MAOB: variants seen among roughly 807,000 people sequenced by gnomAD.
MAOB encodes amine oxidase [flavin-containing] B.
Under a neutral mutation model 41.9 loss-of-function variants are expected in MAOB, and 15 were observed. The ratio of observed to expected loss-of-function variants is 0.36; its 90% CI spans 0.24 to 0.55. The LOEUF (loss-of-function observed/expected upper bound fraction) is 0.55. MAOB is among the 20% of genes least tolerant of loss of function. The pLI, the probability that MAOB is intolerant of heterozygous loss-of-function variation, is 0.86. For synonymous variants in MAOB, 167 were observed against 144.2 expected (o/e 1.16, Z -1.13); for missense variants, 345 against 398.7 (o/e 0.87, Z 1.15).
chrX:43,857,110 TATATATAGAGAGAGAGAGAGAG>T (rs1417234414), intron 1 of MAOB, among the ~76,000 whole-genome samples: 481 of 19,710 alleles, frequency 0.024, 3 homozygotes, highest in Non-Finnish European at 0.035. Context: ...TATATATATA[TATATATAGAGAGAGAGAGAGAG>T]AGAGAGAGAG....
At chrX:43,797,436 T>G (rs186837996) in intron 5 of MAOB, among the ~76,000 whole-genome samples, 170 bp from the exon 6 acceptor site, 10 of 112,545 alleles carry the variant, frequency 8.9e-5, no homozygotes, top group African/African-American at 3.2e-4. Flanking sequence ...CGGAGGTTTT[T>G]GAAATATCAG....
intron 7 of MAOB, among the ~76,000 whole-genome samples, chrX:43,794,342 A>T (rs1418976112): frequency 2.7e-5 from 3 of 110,702 alleles, no homozygotes; most frequent in Non-Finnish European, 5.7e-5. Context: ...GCCTTCCCTG[A>T]TCACCTTATT....
intron 1 of MAOB, among the ~76,000 whole-genome samples, chrX:43,873,986 T>C (rs779247414): frequency 8.9e-6 from 1 of 112,186 alleles, no homozygotes; most frequent in African/African-American, 3.2e-5. Context: ...ACAGTTTTTA[T>C]ATAACAAATA....
rs758051117 is a variant in MAOB at position 43,768,541 on chromosome X, A to C, written c.1410+113T>G. On this transcript the variant is annotated intron_variant, in intron 14 of 14. Transcript: ENST00000378069. Reference sequence around the variant, plus strand: ...TTATTTAAACATTCATGTTTAAATCACTTAGTTGAATCACTTAGGAAAAGG... The same window carrying C: ...TTATTTAAACATTCATGTTTAAATCCCTTAGTTGAATCACTTAGGAAAAGG... 694 of 571,748 alleles carry C rather than the reference A, an allele frequency of 1.2e-3. 1 individual carries two copies. The highest frequency in any genetic ancestry group is 1.9e-3 in the Non-Finnish European group (637 of 344,139). The allele number at this position is 571,748 out of a possible 1,213,427, so 47.1% of individuals were successfully genotyped here.
chrX:43,821,999 G>T (rs755451887), intron 3 of MAOB, among the ~76,000 whole-genome samples: 83 of 112,174 alleles, frequency 7.4e-4, no homozygotes, highest in African/African-American at 2.6e-3. Context: ...TGTAACAGAA[G>T]TCTGTGTCTC....
At position 43,848,696 on chromosome X, in the gene MAOB, C is replaced by T. The variant is rs377495051; in HGVS notation, c.47-4932G>A. On this transcript the variant is annotated intron_variant, in intron 1 of 14. Coordinates refer to ENST00000378069, the MANE Select transcript of MAOB (RefSeq NM_000898.5). ...GCCTCCCCAAGTAGCTGGGATTACA[C>T]GCAAGCACCACTACGCCCGGCTAAG... Among the ~76,000 whole-genome samples the T allele has an allele frequency of 1.8e-4, 20 of 111,840 alleles. No homozygotes were observed. The East Asian group carries it at 4.2e-3, about 24-fold the overall frequency.
At chrX:43,842,111 C>A (rs1418067224) in intron 2 of MAOB, among the ~76,000 whole-genome samples, 1 of 111,776 alleles carries the variant, frequency 8.9e-6, no homozygotes, top group Non-Finnish European at 1.9e-5. Flanking sequence ...AGCAAAAGAA[C>A]AATTAATAAA....
In MAOB at chrX:43,843,357, TCACACACACACACACA is replaced by T. The variant is rs61018201; in HGVS notation, c.141+297_141+312del. 3.5e-3 allele frequency among the ~76,000 whole-genome samples: 293 copies of T among 83,725 alleles called. 1 individual carries two copies. Among genetic ancestry groups the T allele is most frequent in the South Asian group, 0.022 (32 of 1,450 alleles). The allele number at this position is 83,725 out of a possible 115,157, so 72.7% of individuals were successfully genotyped here. A position where few individuals can be genotyped will look rare whatever the true frequency, so the allele number is the denominator to read the frequency against. On this transcript the variant is annotated intron_variant, in intron 2 of 14. Transcript: ENST00000378069. Reference sequence around the variant, plus strand: ...TTTTCTTCCTATTTCTCTCTCTGTCTCACACACACACACACACACACACACACACACACACACACAC... The same window carrying T: ...TTTTCTTCCTATTTCTCTCTCTGTCTCACACACACACACACACACACACAC...
chrX:43,874,711 G>A (rs2035429586), intron 1 of MAOB, among the ~76,000 whole-genome samples: 1 of 110,846 alleles, frequency 9.0e-6, no homozygotes. Context: ...CTGGCCCTAT[G>A]ATTTAAATGA....
intron 1 of MAOB, among the ~76,000 whole-genome samples, chrX:43,861,354 G>A (rs771677586): frequency 8.9e-6 from 1 of 112,622 alleles, no homozygotes; most frequent in Non-Finnish European, 1.9e-5. Context: ...TATCAAAAAC[G>A]TATTTTAATG....
intron 1 of MAOB, among the ~76,000 whole-genome samples, chrX:43,865,778 C>T (rs2035361231): frequency 1.8e-5 from 2 of 108,168 alleles, no homozygotes; most frequent in Non-Finnish European, 3.9e-5. Context: ...GACTCTTTGC[C>T]CAAAAGCTTT....
intron 1 of MAOB, among the ~76,000 whole-genome samples, chrX:43,847,202 G>C (rs988561185): frequency 3.6e-5 from 4 of 110,767 alleles, no homozygotes; most frequent in African/African-American, 1.3e-4. Flanking sequence ...AAATTACCCG[G>C]GTGTGGTGGC....
At chrX:43,855,022 G>T (rs944011190) in intron 1 of MAOB, among the ~76,000 whole-genome samples, 1 of 109,897 alleles carries the variant, frequency 9.1e-6, no homozygotes, top group Non-Finnish European at 1.9e-5. Flanking sequence ...GTTTTGGCAC[G>T]CCCAGGCACA....
rs141435726 is a variant in MAOB at position 43,803,646 on chromosome X, C to T, written c.280-242G>A. ...CCAAGCACGGTAAAGAGGTTTCTCT[C>T]TGAAACTGGAGCCTTTACCATACAA... On this transcript the variant is annotated intron_variant, in intron 3 of 14. Coordinates refer to ENST00000378069, the MANE Select transcript of MAOB (RefSeq NM_000898.5). 8.6e-3 allele frequency among the ~76,000 whole-genome samples: 965 copies of T among 111,974 alleles called. 11 individuals carry two copies. Among genetic ancestry groups the T allele is most frequent in the African/African-American group, 0.03 (920 of 30,813 alleles).
At chrX:43,810,684 A>G (rs1227518110) in intron 3 of MAOB, among the ~76,000 whole-genome samples, 4 of 112,128 alleles carry the variant, frequency 3.6e-5, no homozygotes, top group African/African-American at 9.7e-5. Context: ...TAAGAGACCA[A>G]CAGAACTGAC....
intron 12 of MAOB, among the ~76,000 whole-genome samples, chrX:43,773,880 C>T (rs773550378): frequency 8.1e-5 from 9 of 111,696 alleles, no homozygotes; most frequent in Non-Finnish European, 1.5e-4. Context: ...GTAAATTGCC[C>T]GGTCTCAGGT....
At position 43,881,482 on chromosome X, in the gene MAOB, A is replaced by C. The variant is rs780163369; in HGVS notation, c.46+772T>G. ...CCATAGGATCTGCCTGATCCTCCAC[A>C]GAGGGTAAGTTCCACCACTACCCCC... On this transcript the variant is annotated intron_variant, in intron 1 of 14. Coordinates refer to ENST00000378069, the MANE Select transcript of MAOB (RefSeq NM_000898.5). 4.5e-5 allele frequency among the ~76,000 whole-genome samples: 5 copies of C among 112,299 alleles called. 1 individual carries two copies. The highest frequency in any genetic ancestry group is 2.8e-4 in the Admixed American group (3 of 10,715).
Position 43,780,335 on chromosome X carries a change from T to C in MAOB, c.1079+7A>G, listed in dbSNP as rs1412122821. 8.4e-7 allele frequency: 1 copy of C among 1,195,596 alleles called. No individual in the cohort carries two copies. Among genetic ancestry groups the C allele is most frequent in the Non-Finnish European group, 1.1e-6 (1 of 884,189 alleles). On this transcript the variant is annotated splice_region_variant and intron_variant, in intron 10 of 14. Transcript: ENST00000378069. ...AGAAACGAAAGAAGCAGCATTTCTT[T>C]TGTTACCTTTCCTCTTTGGTAAGAC...
At chrX:43,868,105 A>G (rs1460480333) in intron 1 of MAOB, among the ~76,000 whole-genome samples, 1 of 111,842 alleles carries the variant, frequency 8.9e-6, no homozygotes, top group Admixed American at 9.5e-5. Flanking sequence ...AAACCTACAG[A>G]CTCCTTTCAA....
Sources: gnomAD v4.1 joint callset for allele counts (sites outside exome capture counted in the v4.1 genomes callset) on GRCh38, gnomAD v4.1.1 for gene constraint, MANE v1.5 for transcripts, NCBI Gene and HGNC (gene_info 2026-07-23, HGNC 2026-07-21) for gene names.